Variants in FAM133A observed in about 807,000 individuals in gnomAD.
The protein encoded by FAM133A is protein FAM133A.
For missense variants in FAM133A, 159 were observed against 164.4 expected (o/e 0.97, Z 0.18); for synonymous variants, 65 against 58.6 (o/e 1.11, Z -0.50).
chrX:93,691,451 A>G (rs545490506), intron 2 of FAM133A, among the ~76,000 whole-genome samples: 1 of 112,231 alleles, frequency 8.9e-6, no homozygotes, highest in South Asian at 3.6e-4. Context: ...AAATCAATTG[A>G]CCATAAATGT....
At chrX:93,679,745 GTCTTT>G (rs2147582911) in intron 2 of FAM133A, among the ~76,000 whole-genome samples, 1 of 82,456 alleles carries the variant, frequency 1.2e-5, no homozygotes, top group African/African-American at 4.7e-5. Context: ...ACTGAAATGT[GTCTTT>G]TTTTTTTTTT....
chrX:93,679,683 T>C (rs535255449), intron 2 of FAM133A, among the ~76,000 whole-genome samples: 3 of 110,204 alleles, frequency 2.7e-5, no homozygotes, highest in African/African-American at 9.9e-5. Flanking sequence ...CGTAAATACT[T>C]ATTTTTTTCT....
In FAM133A at chrX:93,698,416, C is replaced by G. The variant is rs1161011935; in HGVS notation, c.-173C>G. ...TAAAAGTGGAGAACCTGAAAAGGAA[C>G]CTGGAAAGAAGCAGCTGGAAAAGGT... On this transcript the variant is annotated 5_prime_UTR_variant, in exon 3 of 4. Coordinates refer to ENST00000683942, the MANE Select transcript of FAM133A (RefSeq NM_001171109.2). 1.8e-5 allele frequency: 2 copies of G among 111,349 alleles called. No individual in the cohort carries two copies. Among genetic ancestry groups the G allele is most frequent in the African/African-American group, 6.5e-5 (2 of 30,620 alleles). 9.2% of individuals were successfully genotyped at this position (111,349 alleles called of 1,213,427 possible). A position where few individuals can be genotyped will look rare whatever the true frequency, so the allele number is the denominator to read the frequency against.
At chrX:93,705,104 T>G (rs771596526) in intron 3 of FAM133A, among the ~76,000 whole-genome samples, 1 of 111,733 alleles carries the variant, frequency 8.9e-6, no homozygotes, top group African/African-American at 3.2e-5. Context: ...TATACTCATT[T>G]GTTTCATATT....
chrX:93,689,438 G>A (rs1454100249), intron 2 of FAM133A, among the ~76,000 whole-genome samples: 1 of 111,697 alleles, frequency 9.0e-6, no homozygotes, highest in Non-Finnish European at 1.9e-5. Context: ...ATACTAATCC[G>A]CTATCAATAG....
intron 3 of FAM133A, among the ~76,000 whole-genome samples, chrX:93,704,511 C>G (rs1926918590): frequency 9.0e-6 from 1 of 111,308 alleles, no homozygotes; most frequent in African/African-American, 3.3e-5. Flanking sequence ...TTTCCAGCTA[C>G]TTTGAAAAAG....
At position 93,710,437 on chromosome X, in the gene FAM133A, G is replaced by C; in HGVS notation, c.*271G>C. ...TAATGAATAACTTTGACAAAAAAAA[G>C]TGTATCTAAGGTTAAATGTATCTAA... On this transcript the variant is annotated 3_prime_UTR_variant, in exon 4 of 4. Coordinates refer to ENST00000683942, the MANE Select transcript of FAM133A (RefSeq NM_001171109.2). 3.8e-6 allele frequency: 1 copy of C among 261,858 alleles called. No homozygotes were observed. The highest frequency in any genetic ancestry group is 6.4e-5 in the Admixed American group (1 of 15,611). 21.6% of individuals were successfully genotyped at this position (261,858 alleles called of 1,213,427 possible).
upstream of FAM133A, among the ~76,000 whole-genome samples, chrX:93,673,807 C>T (rs966165669): frequency 2.2e-4 from 24 of 107,881 alleles, no homozygotes; most frequent in Non-Finnish European, 4.2e-4. Flanking sequence ...AAGGTGTCCC[C>T]CTGCCCCCCA....
At chrX:93,676,969 G>T in intron 2 of FAM133A, among the ~76,000 whole-genome samples, 1 of 107,196 alleles carries the variant, frequency 9.3e-6, no homozygotes, top group Non-Finnish European at 1.9e-5. Context: ...ATTTTATGTA[G>T]TAGGTATCTA....
chrX:93,709,364 A>G lies in FAM133A; in HGVS notation c.-56A>G. ...ACTAGATAAAGAATTTAAGGCGAGTATCTATCTTTGTTCTCCTTGGCAACT... is the reference window on the plus strand; with the variant it reads ...ACTAGATAAAGAATTTAAGGCGAGTGTCTATCTTTGTTCTCCTTGGCAACT... On this transcript the variant is annotated 5_prime_UTR_variant, in exon 4 of 4. Coordinates refer to ENST00000683942, the MANE Select transcript of FAM133A (RefSeq NM_001171109.2). 9.2e-7 allele frequency: 1 copy of G among 1,082,174 alleles called. No homozygotes were observed. The highest frequency in any genetic ancestry group is 1.2e-6 in the Non-Finnish European group (1 of 834,690). 89.2% of individuals were successfully genotyped at this position (1,082,174 alleles called of 1,213,427 possible).
chrX:93,681,124 C>A (rs751854947), intron 2 of FAM133A, among the ~76,000 whole-genome samples: 108 of 110,832 alleles, frequency 9.7e-4, no homozygotes, highest in African/African-American at 3.4e-3. Flanking sequence ...ATAAAGCAAG[C>A]CTTTTTATTG....
At chrX:93,676,901 C>A (rs763761165) in intron 2 of FAM133A, among the ~76,000 whole-genome samples, 1 of 98,088 alleles carries the variant, frequency 1.0e-5, no homozygotes, top group Non-Finnish European at 2.0e-5. Context: ...ACATAGGGAT[C>A]TTGTAACACA....
At position 93,709,740 on chromosome X, in the gene FAM133A, T is replaced by A. The variant is rs1293863204; in HGVS notation, c.321T>A (p.Ser107=). The A allele has an allele frequency of 8.4e-7, 1 of 1,194,284 alleles. No individual in the cohort carries two copies. Among genetic ancestry groups the A allele is most frequent in the Non-Finnish European group, 1.1e-6 (1 of 887,674 alleles). The change falls in exon 4 of 4, where the codon TCT becomes TCA. Residue 107 remains serine (S), a synonymous_variant. Transcript: ENST00000683942. ...RKKKSCRSSS[S]SSSSDSSSSS... is the part of the protein sequence containing the mutation. Reference sequence around the variant, plus strand: ...AGAAATCTTGTCGGTCTTCATCTTCTTCATCAAGCTCTGATTCTTCAAGCA... The same window carrying A: ...AGAAATCTTGTCGGTCTTCATCTTCATCATCAAGCTCTGATTCTTCAAGCA...
upstream of FAM133A, chrX:93,673,966 C>T (rs1415214935): frequency 2.5e-5 from 2 of 79,471 alleles, no homozygotes; most frequent in East Asian, 4.0e-4. Flanking sequence ...TAGTTTGTCA[C>T]GGGTCTCTTG....
chrX:93,709,284 G>A, intron 3 of FAM133A, 33 bp from the exon 4 acceptor site: 1 of 849,646 alleles, frequency 1.2e-6, no homozygotes, highest in Non-Finnish European at 1.5e-6. Context: ...TATTAAAGGT[G>A]ATTTGTAATC....
At chrX:93,676,332 T>G (rs1203424249) in intron 2 of FAM133A, among the ~76,000 whole-genome samples, 1 of 111,790 alleles carries the variant, frequency 8.9e-6, no homozygotes, top group Admixed American at 9.5e-5. Context: ...TAATCACTAC[T>G]TACATTTGTA....
chrX:93,677,614 TG>T (rs1422558185), intron 2 of FAM133A, among the ~76,000 whole-genome samples: 1 of 112,032 alleles, frequency 8.9e-6, no homozygotes, highest in Non-Finnish European at 1.9e-5. Flanking sequence ...AGATATTCAC[TG>T]ATCTGTTTTC....
chrX:93,682,430 T>C (rs1022505362), intron 2 of FAM133A, among the ~76,000 whole-genome samples: 4 of 112,128 alleles, frequency 3.6e-5, no homozygotes, highest in African/African-American at 1.3e-4. Context: ...ACATAGGTCA[T>C]TTATTGTGTG....
At chrX:93,709,028 A>C (rs1927234532) in intron 3 of FAM133A, among the ~76,000 whole-genome samples, 1 of 111,920 alleles carries the variant, frequency 8.9e-6, no homozygotes, top group South Asian at 3.7e-4. Flanking sequence ...GAAAGAAAGG[A>C]AAAAGTTAAG....
Sources: allele counts gnomAD v4.1 joint callset (sites outside exome capture counted in the v4.1 genomes callset), GRCh38; gene constraint gnomAD v4.1.1; transcripts MANE v1.5; gene names NCBI Gene and HGNC (gene_info 2026-07-23, HGNC 2026-07-21).